SERPINB8: variants seen among roughly 807,000 people sequenced by gnomAD.
The protein encoded by SERPINB8 is serpin B8.
In SERPINB8, 25 loss-of-function variants were observed where a neutral mutation model predicts 35.3. That is an observed-to-expected ratio of 0.71 (90% CI 0.52 to 0.99). The LOEUF is 0.99. SERPINB8 is among the 50% of genes least tolerant of loss of function. The pLI is 0.00. For missense variants in SERPINB8, 484 were observed against 446.5 expected, an observed-to-expected ratio of 1.08 and a Z score of -0.76; for synonymous variants, 186 against 160.8, an observed-to-expected ratio of 1.16 and a Z score of -1.19.
In SERPINB8 at chr18:63,981,074, T is replaced by C. The variant is rs527583372; in HGVS notation, c.307-647T>C. On this transcript the variant is annotated intron_variant, in intron 3 of 6. Coordinates refer to ENST00000397985, the MANE Select transcript of SERPINB8 (RefSeq NM_002640.4). ...TGCATGCAATCCACACACATGCAGG[T>C]GCCCAAGCACTCACATGTACACATG... is the stretch of plus-strand genomic sequence containing the variant. 1.2e-4 allele frequency among the ~76,000 whole-genome samples: 19 copies of C among 152,238 alleles called. No individual in the cohort carries two copies. In the East Asian group the frequency reaches 3.7e-3, roughly 29 times the overall value.
chr18:63,972,788 C>T (rs900174633), intron 1 of SERPINB8, among the ~76,000 whole-genome samples: 1 of 152,124 alleles, frequency 6.6e-6, no homozygotes, highest in Non-Finnish European at 1.5e-5. Flanking sequence ...TGGTTTCCAG[C>T]TTCATCCATG....
intron 3 of SERPINB8, 39 bp from the exon 4 acceptor site, chr18:63,981,682 T>C: frequency 1.4e-6 from 2 of 1,409,948 alleles, no homozygotes; most frequent in Non-Finnish European, 2.0e-6. Flanking sequence ...GTGGGAACCT[T>C]TACCAAATGA....
At chr18:63,992,811 G>A (rs200399137), downstream of SERPINB8, among the ~76,000 whole-genome samples, 105 of 151,850 alleles carry the variant, frequency 6.9e-4, 1 homozygote, top group East Asian at 0.011. Flanking sequence ...TCAGTCCTCC[G>A]TATTTATTAG....
intron 7 of SERPINB8, among the ~76,000 whole-genome samples, chr18:64,015,434 A>G (rs1181053160): frequency 3.3e-5 from 5 of 152,172 alleles, no homozygotes; most frequent in African/African-American, 1.2e-4. Flanking sequence ...TGCCTAGATG[A>G]TCCCTAAGTG....
downstream of SERPINB8, among the ~76,000 whole-genome samples, chr18:63,989,853 G>T (rs1056475481): frequency 7.2e-6 from 1 of 138,734 alleles, no homozygotes; most frequent in African/African-American, 2.6e-5. Context: ...TGAGGCAGGA[G>T]AATGGCGTGA....
At chr18:64,002,345 G>C (rs147151738) in intron 1 of SERPINB8, among the ~76,000 whole-genome samples, 33 of 152,216 alleles carry the variant, frequency 2.2e-4, no homozygotes, top group Admixed American at 5.9e-4. Context: ...GTGAGTCCCT[G>C]ATACATGTAA....
At chr18:64,008,031 T>G (rs950204455), downstream of SERPINB8, among the ~76,000 whole-genome samples, 1 of 152,208 alleles carries the variant, frequency 6.6e-6, no homozygotes, top group Non-Finnish European at 1.5e-5. Context: ...AAAGTTATTA[T>G]AAGACTATTA....
intron 6 of SERPINB8, chr18:63,986,301 A>G: frequency 1.2e-6 from 2 of 1,610,340 alleles, no homozygotes; most frequent in South Asian, 1.1e-5. Context: ...ACTCCAGGAC[A>G]GGCAGAGGAC....
At chr18:64,007,969 T>C (rs964859731), downstream of SERPINB8, among the ~76,000 whole-genome samples, 1 of 152,212 alleles carries the variant, frequency 6.6e-6, no homozygotes, top group Admixed American at 6.5e-5. Context: ...ATGTTCTTAA[T>C]ATTTTGTTAC....
At chr18:63,986,811 T>G (rs902229654) in intron 6 of SERPINB8, 63 bp from the exon 7 acceptor site, 1 of 1,469,872 alleles carries the variant, frequency 6.8e-7, no homozygotes, top group Non-Finnish European at 9.2e-7. Context: ...GGGTAATAAA[T>G]GGGTGTGTGG....
At chr18:64,002,636 C>T (rs1339944593) in intron 1 of SERPINB8, among the ~76,000 whole-genome samples, 1 of 152,170 alleles carries the variant, frequency 6.6e-6, no homozygotes, top group Non-Finnish European at 1.5e-5. Flanking sequence ...CTGGGTCCCC[C>T]GCGGGGCCCT....
At chr18:64,010,634 C>A (rs1213097601), downstream of SERPINB8, among the ~76,000 whole-genome samples, 1 of 151,902 alleles carries the variant, frequency 6.6e-6, no homozygotes, top group African/African-American at 2.4e-5. Context: ...GGATGGAATA[C>A]CACACATTAT....
intron 3 of SERPINB8, among the ~76,000 whole-genome samples, chr18:63,980,803 C>G (rs17072334): frequency 0.054 from 8,220 of 152,260 alleles, 747 homozygotes; most frequent in African/African-American, 0.18. Flanking sequence ...TATCCTCTTT[C>G]TTTGGCTGAA....
At chr18:64,019,754 C>T (rs1415712621) in exon 8 of SERPINB8, 1 of 150,848 alleles carries the variant, frequency 6.6e-6, no homozygotes, top group African/African-American at 2.4e-5. Context: ...CAATTGTCAC[C>T]TCACCATTAA....
intron 3 of SERPINB8, among the ~76,000 whole-genome samples, chr18:63,980,838 T>C (rs2050659486): frequency 1.3e-5 from 2 of 152,230 alleles, no homozygotes; most frequent in South Asian, 4.1e-4. Context: ...GAACAGGGAA[T>C]GGACAGAGGC....
chr18:63,994,328 CCTCTCTCTTT>C (rs1465822892), downstream of SERPINB8, among the ~76,000 whole-genome samples: 3 of 152,052 alleles, frequency 2.0e-5, no homozygotes, highest in East Asian at 5.8e-4. Flanking sequence ...ATACATGCCC[CCTCTCTCTTT>C]CTCTCTCTCT....
downstream of SERPINB8, among the ~76,000 whole-genome samples, chr18:63,990,602 G>A (rs1419650854): frequency 6.6e-6 from 1 of 151,638 alleles, no homozygotes; most frequent in East Asian, 1.9e-4. Flanking sequence ...TGCCATGTTG[G>A]TGTGCTGCAC....
chr18:63,989,908 A>C (rs1436535903), downstream of SERPINB8, among the ~76,000 whole-genome samples: 8 of 117,670 alleles, frequency 6.8e-5, no homozygotes, highest in Non-Finnish European at 9.8e-5. Flanking sequence ...CCGCCACTGC[A>C]CTCCAGCCTG....
rs746269921 is a variant in SERPINB8 at position 63,981,869 on chromosome 18, A to G, written c.424+31A>G. Reference sequence around the variant, plus strand: ...ACAGTTTCATTTCTGTTGATTTGGAATTACTATACAACGAGGCTTAGATTG... The same window carrying G: ...ACAGTTTCATTTCTGTTGATTTGGAGTTACTATACAACGAGGCTTAGATTG... On this transcript the variant is annotated intron_variant, in intron 4 of 6. Coordinates refer to ENST00000397985, the MANE Select transcript of SERPINB8 (RefSeq NM_002640.4). The G allele has an allele frequency of 3.4e-6, 5 of 1,483,618 alleles. No individual in the cohort carries two copies. The South Asian group carries it at 5.8e-5, about 17-fold the overall frequency. The allele number at this position is 1,483,618 out of a possible 1,614,324, so 91.9% of individuals were successfully genotyped here.
Sources: gnomAD v4.1 joint callset for allele counts (sites outside exome capture counted in the v4.1 genomes callset) on GRCh38, gnomAD v4.1.1 for gene constraint, MANE v1.5 for transcripts, NCBI Gene and HGNC (gene_info 2026-07-23, HGNC 2026-07-21) for gene names.